The following NMT1 variants were observed in gnomAD, a reference collection of about 807,000 sequenced individuals.
NMT1 encodes N-myristoyltransferase 1.
Under a neutral mutation model 63.4 loss-of-function variants are expected in NMT1, and 12 were observed. That is an observed-to-expected ratio of 0.19 (90% CI 0.12 to 0.31). NMT1 has a LOEUF of 0.31. Among genes scored for constraint, NMT1 ranks in the 10% least tolerant of loss-of-function variants. The probability of loss-of-function intolerance (pLI) is 1.00; values close to 1 mark genes in which losing one functional copy is unlikely to be tolerated. For missense variants in NMT1, 432 were observed against 634.6 expected (o/e 0.68, Z 3.43); for synonymous variants, 228 against 234.3 (o/e 0.97, Z 0.25).
intron 1 of NMT1, among the ~76,000 whole-genome samples, chr17:45,079,663 C>T (rs541422798): frequency 1.3e-5 from 2 of 152,270 alleles, no homozygotes; most frequent in East Asian, 3.9e-4. Flanking sequence ...CACACATGCA[C>T]ACGTGCATAC....
At chr17:45,091,298 T>G (rs2054086348) in intron 3 of NMT1, among the ~76,000 whole-genome samples, 1 of 151,436 alleles carries the variant, frequency 6.6e-6, no homozygotes, top group South Asian at 2.1e-4. Context: ...GGCATGTGCA[T>G]CCTTGCTCAT....
chr17:45,104,620 C>CT lies in NMT1; in HGVS notation c.1333-238dup, dbSNP rs1401988770. On this transcript the variant is annotated intron_variant, in intron 10 of 11. Coordinates refer to ENST00000258960, the MANE Select transcript of NMT1 (RefSeq NM_021079.5). This position sits in a 1 kb window ranked among gnomAD's most constrained non-coding sequence, Gnocchi z 4.2. ...AATAGCAAGAGCCCCGGCCTGGACACTGAGTACATATGTGTACACTCTGAG... is the reference window on the plus strand; with the variant it reads ...AATAGCAAGAGCCCCGGCCTGGACACTTGAGTACATATGTGTACACTCTGAG... The CT allele has an allele frequency of 2.0e-5, 26 of 1,317,734 alleles. No individual in the cohort carries two copies. Among genetic ancestry groups the CT allele is most frequent in the Non-Finnish European group, 2.5e-5 (26 of 1,032,224 alleles). 81.6% of individuals were successfully genotyped at this position (1,317,734 alleles called of 1,614,324 possible).
intron 1 of NMT1, among the ~76,000 whole-genome samples, chr17:45,072,970 A>G (rs1401271485): frequency 6.6e-6 from 1 of 152,172 alleles, no homozygotes; most frequent in East Asian, 1.9e-4. Flanking sequence ...TCCTGTGCAA[A>G]CAGAACTGAA....
At chr17:45,093,951 A>G (rs1382164532) in intron 4 of NMT1, 148 bp downstream of exon 4, 3 of 628,636 alleles carry the variant, frequency 4.8e-6, no homozygotes, top group African/African-American at 3.7e-5. Context: ...TTCCTGGGGC[A>G]TGGCCAAGAC....
At chr17:45,083,336 A>T (rs77184475) in intron 2 of NMT1, among the ~76,000 whole-genome samples, 17,170 of 103,200 alleles carry the variant, frequency 0.17, 1,049 homozygotes, top group Middle Eastern at 0.27. Flanking sequence ...AAAAAAAATT[A>T]AAAAAAAATT....
At chr17:45,062,313 T>C (rs975894376) in intron 1 of NMT1, among the ~76,000 whole-genome samples, 3 of 152,262 alleles carry the variant, frequency 2.0e-5, no homozygotes, top group Admixed American at 6.5e-5. Flanking sequence ...CTTATTCATC[T>C]TTCTTCACAT....
intron 1 of NMT1, among the ~76,000 whole-genome samples, chr17:45,073,839 T>C (rs1457259683): frequency 6.6e-6 from 1 of 152,218 alleles, no homozygotes; most frequent in South Asian, 2.1e-4. Context: ...AGTTTCCTCA[T>C]CTGTAAACAA....
chr17:45,091,435 C>A (rs539397693), intron 3 of NMT1, among the ~76,000 whole-genome samples: 15 of 152,100 alleles, frequency 9.9e-5, no homozygotes, highest in Admixed American at 6.6e-4. Context: ...GTGCCTGTTG[C>A]GTGTAGGACC....
chr17:45,075,905 A>G (rs2053974520), intron 1 of NMT1, among the ~76,000 whole-genome samples: 3 of 152,066 alleles, frequency 2.0e-5, no homozygotes, highest in Admixed American at 6.6e-5. Flanking sequence ...CCTCATCTCT[A>G]CTAAAAATAC....
intron 1 of NMT1, 29 bp downstream of exon 1, chr17:45,061,489 G>T: frequency 6.2e-7 from 1 of 1,602,638 alleles, no homozygotes; most frequent in Non-Finnish European, 8.5e-7. Context: ...TCCAATTCCC[G>T]TCCAGCCTCC....
At chr17:45,078,740 C>T (rs1054882819) in intron 1 of NMT1, among the ~76,000 whole-genome samples, 5 of 152,188 alleles carry the variant, frequency 3.3e-5, no homozygotes, top group Non-Finnish European at 4.4e-5. Context: ...TAGCTCACTG[C>T]AGGCTCCTCC....
intron 5 of NMT1, 61 bp from the exon 6 acceptor site, chr17:45,097,067 C>T: frequency 7.1e-7 from 1 of 1,415,352 alleles, no homozygotes; most frequent in Non-Finnish European, 1.0e-6. Flanking sequence ...GGCTGTGGAG[C>T]CCAAGCGGCT....
intron 2 of NMT1, among the ~76,000 whole-genome samples, chr17:45,082,499 A>C (rs569406482): frequency 6.6e-6 from 1 of 152,196 alleles, no homozygotes; most frequent in Non-Finnish European, 1.5e-5. Flanking sequence ...TGAGTCCCAC[A>C]GAGTCTTTCT....
rs1229714849 is a variant in NMT1 at position 45,086,585 on chromosome 17, C to T, written c.318C>T (p.Ala106=). Residue 106 remains alanine (A), a synonymous_variant, in exon 3 of 12, where the codon GCC becomes GCT. Transcript: ENST00000258960. ...TGTTCTCAGTGGGTCAGGGACCTGC[C>T]AAAACCATGGAGGAGGCTAGCAAGC... ...IELFSVGQGP[A]KTMEEASKRS... The T allele has an allele frequency of 1.2e-6, 2 of 1,613,538 alleles. No homozygotes were observed. The highest frequency in any genetic ancestry group is 2.2e-5 in the South Asian group (2 of 91,032).
intron 1 of NMT1, 126 bp downstream of exon 1, chr17:45,061,586 A>G: frequency 1.2e-6 from 1 of 815,798 alleles, no homozygotes; most frequent in Non-Finnish European, 1.9e-6. Flanking sequence ...AGTCACTAGG[A>G]TTCTGCCTGG....
rs897217919 is a variant in NMT1 at position 45,105,818 on chromosome 17, G to A, written c.*179G>A. 5.1e-6 allele frequency: 3 copies of A among 586,630 alleles called. No homozygotes were observed. In the South Asian group the frequency reaches 6.5e-5, roughly 13 times the overall value. 36.3% of individuals were successfully genotyped at this position (586,630 alleles called of 1,614,324 possible). A position where few individuals can be genotyped will look rare whatever the true frequency, so the allele number is the denominator to read the frequency against. On this transcript the variant is annotated 3_prime_UTR_variant, in exon 12 of 12. Transcript: ENST00000258960. This position sits in a 1 kb window ranked among gnomAD's most constrained non-coding sequence, Gnocchi z 4.2. ...ATTGTATTGCGATGGCGTGGGCTGC[G>A]TGACGTCACCTCCGGTCGTGTCTCT...
At chr17:45,092,288 G>A (rs926980449) in intron 3 of NMT1, among the ~76,000 whole-genome samples, 3 of 152,174 alleles carry the variant, frequency 2.0e-5, no homozygotes, top group Admixed American at 6.5e-5. Context: ...GTGCACGGTT[G>A]GTGCTCAGTA....
chr17:45,081,663 G>A lies in NMT1; in HGVS notation c.151G>A (p.Asp51Asn). The part of the protein sequence containing the change: ...YNRGGLSPAN[D>N]TGAKKKKKKQ... ...TTACAGTGGTTTGAGTCCAGCCAAT[G>A]ACACTGGAGCCAAAAAGAAGAAAAA... The change falls in exon 2 of 12, where the codon GAC (aspartate) becomes AAC (asparagine). Residue 51 changes from aspartate to asparagine, a missense_variant. Around this residue, in one of 4 missense-constraint regions of NMT1, gnomAD observed 121 missense variants for 103.7 expected, o/e 1.17. Transcript: ENST00000258960. 6.2e-7 allele frequency: 1 copy of A among 1,613,398 alleles called. No homozygotes were observed. The highest frequency in any genetic ancestry group is 1.1e-5 in the South Asian group (1 of 90,952).
intron 3 of NMT1, among the ~76,000 whole-genome samples, chr17:45,091,201 C>CACACACAT (rs1352145190): frequency 1.4e-5 from 2 of 146,724 alleles, no homozygotes; most frequent in Non-Finnish European, 3.0e-5. Context: ...CACACACACA[C>CACACACAT]ACACACACAC....
Sources: gnomAD v4.1 joint callset for allele counts (sites outside exome capture counted in the v4.1 genomes callset) on GRCh38, gnomAD v4.1.1 for gene constraint, gnomAD v4.1.1 regional missense constraint, Gnocchi (gnomAD v3.1) non-coding constraint, MANE v1.5 for transcripts, NCBI Gene and HGNC (gene_info 2026-07-23, HGNC 2026-07-21) for gene names.